Variants in COL4A4 observed in about 807,000 individuals in gnomAD.
The protein encoded by COL4A4 is collagen type IV alpha 4 chain, also known as collagen alpha-4(IV) chain.
Under a neutral mutation model 192.9 loss-of-function variants are expected in COL4A4, and 105 were observed. The observed-to-expected ratio is 0.54, with a 90% CI of 0.46 to 0.64. The LOEUF (loss-of-function observed/expected upper bound fraction) is 0.64. Among genes scored for constraint, COL4A4 ranks in the 30% least tolerant of loss-of-function variants. The pLI, the probability that COL4A4 is intolerant of heterozygous loss-of-function variation, is 0.00. For synonymous variants in COL4A4, 762 were observed against 769.9 expected (o/e 0.99, Z 0.17); for missense variants, 1,967 against 2,169.3 (o/e 0.91, Z 1.85).
intron 25 of COL4A4, among the ~76,000 whole-genome samples, chr2:227,068,598 C>T (rs1273220993): frequency 2.0e-5 from 3 of 152,264 alleles, no homozygotes; most frequent in South Asian, 4.1e-4. Context: ...AGCATATAAA[C>T]AGAACCAAAG....
intron 25 of COL4A4, among the ~76,000 whole-genome samples, chr2:227,071,782 T>A (rs2058739083): frequency 6.6e-6 from 1 of 152,108 alleles, no homozygotes; most frequent in Admixed American, 6.6e-5. Flanking sequence ...AATTAAATAA[T>A]CTGCTCCTGA....
chr2:227,080,448 G>T lies in COL4A4; in HGVS notation c.1798C>A (p.Pro600Thr), dbSNP rs796349531. The T allele has an allele frequency of 3.1e-6, 5 of 1,613,218 alleles. No homozygotes were observed. Among genetic ancestry groups the T allele is most frequent in the Non-Finnish European group, 4.2e-6 (5 of 1,179,190 alleles). ...GHAGEKGDPG[P>T]PGDHEDATPG... ...AAGAGAAGAATTCTACATACTGGAG[G>T]TCCTGGATCCCCTTTTTCTCCAGCA... The change falls in exon 24 of 48, where the codon CCT becomes ACT. Residue 600 changes from proline (P) to threonine (T), a missense_variant. By Grantham distance (38) the Pro-to-Thr change is conservative. Coordinates refer to ENST00000396625, the MANE Select transcript of COL4A4 (RefSeq NM_000092.5).
chr2:227,041,849 AGAAAGAAAGAAAGAAAGAAAGAAAGAAAG>A (rs1971324319), intron 37 of COL4A4, among the ~76,000 whole-genome samples: 8 of 29,974 alleles, frequency 2.7e-4, no homozygotes, highest in African/African-American at 1.5e-3. Context: ...AGAAAGAAAG[AGAAAGAAAGAAAGAAAGAAAGAAAGAAAG>A]AAAGAAAGAA....
At chr2:227,041,900 A>AAGAAAGAAAG (rs1559479141) in intron 37 of COL4A4, among the ~76,000 whole-genome samples, 7 of 150,348 alleles carry the variant, frequency 4.7e-5, no homozygotes, top group African/African-American at 1.7e-4. Flanking sequence ...GAAAGAAAGA[A>AAGAAAGAAAG]AGAAAGAAAG....
At chr2:227,024,037 C>A (rs368247285) in intron 43 of COL4A4, among the ~76,000 whole-genome samples, 13 of 149,184 alleles carry the variant, frequency 8.7e-5, no homozygotes, top group East Asian at 2.0e-4. Context: ...ACAAAAAAAA[C>A]CACTCAGGCT....
chr2:227,034,450 A>G (rs921944736), intron 37 of COL4A4, among the ~76,000 whole-genome samples: 2 of 151,874 alleles, frequency 1.3e-5, no homozygotes, highest in Non-Finnish European at 2.9e-5. Flanking sequence ...TGTCCCACTG[A>G]TGGCTACGAG....
chr2:227,132,133 A>C (rs1440839896), intron 4 of COL4A4, among the ~76,000 whole-genome samples: 1 of 152,200 alleles, frequency 6.6e-6, no homozygotes, highest in Non-Finnish European at 1.5e-5. Flanking sequence ...GTGCTAACCC[A>C]CAGCTCCCTG....
intron 1 of COL4A4, among the ~76,000 whole-genome samples, chr2:227,160,367 T>C (rs763016319): frequency 2.0e-5 from 3 of 152,192 alleles, no homozygotes; most frequent in Admixed American, 1.3e-4. Context: ...GAATAAAGCA[T>C]GATCACGTGA....
Position 227,102,549 on chromosome 2 carries a change from G to C in COL4A4, c.930+240C>G, listed in dbSNP as rs1574390. ...GCACTGAGGTGCCAGACAAGAGATGGCACAATCCTGTCACTTTTCCCAAAT... is the reference window on the plus strand; with the variant it reads ...GCACTGAGGTGCCAGACAAGAGATGCCACAATCCTGTCACTTTTCCCAAAT... On this transcript the variant is annotated intron_variant, in intron 15 of 47. Coordinates refer to ENST00000396625, the MANE Select transcript of COL4A4 (RefSeq NM_000092.5). 0.73 allele frequency among the ~76,000 whole-genome samples: 111,384 copies of C among 152,104 alleles called. 41,883 individuals carry two copies. The highest frequency in any genetic ancestry group is 0.93 in the African/African-American group (38,600 of 41,538).
chr2:226,980,322 A>T, the COL4A4 span, among the ~76,000 whole-genome samples: 1 of 152,118 alleles, frequency 6.6e-6, no homozygotes, highest in African/African-American at 2.4e-5. Flanking sequence ...TCCCCACCAG[A>T]GCGAGGTAGC....
At chr2:227,029,186 G>T (rs115462738) in intron 41 of COL4A4, among the ~76,000 whole-genome samples, 2,066 of 152,296 alleles carry the variant, frequency 0.014, 32 homozygotes, top group Non-Finnish European at 0.018. Flanking sequence ...GTATCCTTAT[G>T]TAGATCACTG....
At chr2:227,077,845 C>A in intron 25 of COL4A4, 49 bp downstream of exon 25, 1 of 1,506,808 alleles carries the variant, frequency 6.6e-7, no homozygotes, top group Non-Finnish European at 9.1e-7. Flanking sequence ...GAAAAATAAA[C>A]ACTTGTACCC....
intron 42 of COL4A4, among the ~76,000 whole-genome samples, chr2:227,027,673 T>TA (rs1312986990): frequency 8.1e-5 from 12 of 147,970 alleles, no homozygotes; most frequent in Admixed American, 6.0e-4. Flanking sequence ...AAAAATAAAG[T>TA]AAAAAAAAAT....
At chr2:227,097,851 T>C (rs892558920) in intron 19 of COL4A4, among the ~76,000 whole-genome samples, 4 of 152,208 alleles carry the variant, frequency 2.6e-5, no homozygotes, top group African/African-American at 9.6e-5. Flanking sequence ...AATTTCTCAC[T>C]TCTTCTCAGT....
intron 4 of COL4A4, among the ~76,000 whole-genome samples, chr2:227,134,681 T>C (rs1438632041): frequency 6.6e-6 from 1 of 152,234 alleles, no homozygotes; most frequent in Non-Finnish European, 1.5e-5. Context: ...GTATAAGGGA[T>C]GAGTGAATGA....
chr2:227,044,617 T>TAA (rs113514608), intron 35 of COL4A4, among the ~76,000 whole-genome samples: 310 of 150,966 alleles, frequency 2.1e-3, no homozygotes, highest in African/African-American at 5.0e-3. Flanking sequence ...ACTGAAATAT[T>TAA]AAAAATAAAA....
At chr2:227,078,478 A>C (rs1356973237) in intron 24 of COL4A4, among the ~76,000 whole-genome samples, 1 of 151,976 alleles carries the variant, frequency 6.6e-6, no homozygotes, top group Non-Finnish European at 1.5e-5. Context: ...CCTGACCTCC[A>C]CCTGCCTCAG....
At chr2:227,099,735 C>G in intron 17 of COL4A4, 46 bp from the exon 18 acceptor site, 1 of 1,529,784 alleles carries the variant, frequency 6.5e-7, no homozygotes, top group East Asian at 2.2e-5. Context: ...ATTAATTTTA[C>G]TCATGTTGCC....
In COL4A4 at chr2:227,140,036, C is replaced by A. The variant is rs1029172312; in HGVS notation, c.192+125G>T. The A allele has an allele frequency of 2.9e-5, 23 of 789,578 alleles. No individual in the cohort carries two copies. In the Admixed American group the frequency reaches 4.2e-4, roughly 14 times the overall value. The allele number at this position is 789,578 out of a possible 1,614,324, so 48.9% of individuals were successfully genotyped here. A position where few individuals can be genotyped will look rare whatever the true frequency, so the allele number is the denominator to read the frequency against. On this transcript the variant is annotated intron_variant, in intron 4 of 47. Coordinates refer to ENST00000396625, the MANE Select transcript of COL4A4 (RefSeq NM_000092.5). Reference sequence around the variant, plus strand: ...GCTATTAGAATGTGAAAAACTTCGGCTGTGAAATACATAAACATTATCGAG... The same window carrying A: ...GCTATTAGAATGTGAAAAACTTCGGATGTGAAATACATAAACATTATCGAG...
Sources: gnomAD v4.1 joint callset for allele counts (sites outside exome capture counted in the v4.1 genomes callset) on GRCh38, gnomAD v4.1.1 for gene constraint, MANE v1.5 for transcripts, NCBI Gene and HGNC (gene_info 2026-07-23, HGNC 2026-07-21) for gene names.